The following REXO5 variants were observed in gnomAD, a reference collection of about 807,000 sequenced individuals.
The protein encoded by REXO5 is exonuclease NEF-sp.
REXO5 carries 48 observed loss-of-function variants against 88.5 expected under a neutral mutation model. The observed-to-expected ratio is 0.54, with a 90% CI of 0.43 to 0.69. REXO5 has a LOEUF of 0.69. REXO5 is among the 30% of genes least tolerant of loss of function. The pLI, the probability that REXO5 is intolerant of heterozygous loss-of-function variation, is 0.00. For missense variants in REXO5, 749 were observed against 912.2 expected, an observed-to-expected ratio of 0.82 and a Z score of 2.30; for synonymous variants, 311 against 336.5, an observed-to-expected ratio of 0.92 and a Z score of 0.83.
rs1567413317 is a variant in REXO5 at position 20,846,251 on chromosome 16, GC to G, written c.2157del (p.Trp720GlyfsTer37). 1 of 1,614,038 alleles carries G rather than the reference GC, an allele frequency of 6.2e-7. No homozygotes were observed. Among genetic ancestry groups the G allele is most frequent in the Non-Finnish European group, 8.5e-7 (1 of 1,179,930 alleles). ...GAAACTGGACCACCCGAAGATAGCA[GC>G]CTGGCGCTGGAGCCGGAAGATTGGA... is the stretch of plus-strand genomic sequence containing the variant. ...TLKLDHPKIA[A>X]WRWSRKIGKL... On this transcript the variant is annotated frameshift_variant, in exon 19 of 20. Coordinates refer to ENST00000261377, the MANE Select transcript of REXO5 (RefSeq NM_030941.3). LOFTEE classifies it high-confidence loss of function.
chr16:20,813,344 CTTTTTTTT>C (rs56875427), intron 3 of REXO5, 42 bp downstream of exon 3: 14 of 643,968 alleles, frequency 2.2e-5, no homozygotes, highest in African/African-American at 1.1e-4. Context: ...CCAGCGGTTT[CTTTTTTTT>C]TTTTTTTTTT....
At chr16:20,812,952 C>T (rs540921443) in intron 2 of REXO5, among the ~76,000 whole-genome samples, 1 of 152,264 alleles carries the variant, frequency 6.6e-6, no homozygotes, top group Admixed American at 6.5e-5. Flanking sequence ...TTATCCTATT[C>T]CTAGCATGTA....
chr16:20,845,976 A>G (rs984617355), intron 18 of REXO5, among the ~76,000 whole-genome samples: 2 of 152,298 alleles, frequency 1.3e-5, no homozygotes, highest in Non-Finnish European at 2.9e-5. Context: ...GGGGTCTTGG[A>G]AGACCCATGT....
At chr16:20,831,851 A>G (rs1435250999) in intron 11 of REXO5, among the ~76,000 whole-genome samples, 1 of 150,778 alleles carries the variant, frequency 6.6e-6, no homozygotes, top group Non-Finnish European at 1.5e-5. Flanking sequence ...TGACTGTTGG[A>G]TGAGTGATGA....
chr16:20,827,073 G>T lies in REXO5; in HGVS notation c.837G>T (p.Thr279=), dbSNP rs142899635. 1 of 1,613,754 alleles carries T rather than the reference G, an allele frequency of 6.2e-7. No homozygotes were observed. The highest frequency in any genetic ancestry group is 8.5e-7 in the Non-Finnish European group (1 of 1,179,860). Residue 279 remains threonine (T), a synonymous_variant, in exon 9 of 20, where the codon ACG becomes ACT. Transcript: ENST00000261377. ...LDYLTSFSGI[T]KKILNPVTTK... is the part of the protein sequence containing the mutation. The stretch of plus-strand genomic sequence containing the variant: ...TTAATGAAAGCTTTTCGGGAATCAC[G>T]AAGAAGATTCTTAACCCAGTGACGA...
chr16:20,810,415 T>G (rs533266490), intron 2 of REXO5, among the ~76,000 whole-genome samples: 1 of 152,172 alleles, frequency 6.6e-6, no homozygotes, highest in East Asian at 1.9e-4. Context: ...CTCCTTTTTT[T>G]TTTTCTTTTG....
chr16:20,827,001 CAG>C lies in REXO5; in HGVS notation c.822-52_822-51del, dbSNP rs2081268804. On this transcript the variant is annotated intron_variant, in intron 8 of 19. Coordinates refer to ENST00000261377, the MANE Select transcript of REXO5 (RefSeq NM_030941.3). ...AAATGTTATTTTTAAAATCACTTTC[CAG>C]AGAGGAAAACTTGTTAATATCCTAG... The C allele has an allele frequency of 1.9e-5, 29 of 1,552,848 alleles. No homozygotes were observed. In the South Asian group the frequency reaches 3.2e-4, roughly 17 times the overall value.
At chr16:20,806,746 C>T (rs2152497272) in intron 1 of REXO5, 41 bp downstream of exon 1, 1 of 1,003,782 alleles carries the variant, frequency 1.0e-6, no homozygotes, top group Non-Finnish European at 1.4e-6. Flanking sequence ...GTTAGAGCGG[C>T]GCGGGTGTCC....
At chr16:20,843,442 T>C (rs1254042949) in intron 15 of REXO5, among the ~76,000 whole-genome samples, 2 of 152,344 alleles carry the variant, frequency 1.3e-5, no homozygotes, top group East Asian at 3.9e-4. Flanking sequence ...CAAGAAACCA[T>C]TGCCAAATCC....
chr16:20,822,652 A>C (rs549632860), intron 6 of REXO5, among the ~76,000 whole-genome samples: 3 of 152,196 alleles, frequency 2.0e-5, no homozygotes, highest in Non-Finnish European at 4.4e-5. Flanking sequence ...ATTTCCTGTA[A>C]GTGGATGTGC....
intron 6 of REXO5, chr16:20,823,344 C>T (rs565355684): frequency 2.6e-5 from 4 of 152,224 alleles, no homozygotes; most frequent in East Asian, 1.9e-4. Context: ...GTACTAAGTG[C>T]CTTTTTGTAC....
At chr16:20,822,100 G>C (rs2081194743) in intron 6 of REXO5, among the ~76,000 whole-genome samples, 198 bp downstream of exon 6, 1 of 152,152 alleles carries the variant, frequency 6.6e-6, no homozygotes, top group Non-Finnish European at 1.5e-5. Flanking sequence ...GCAAAGTGAT[G>C]ATTTTAGGTA....
chr16:20,830,475 C>T (rs1358757076), intron 11 of REXO5, among the ~76,000 whole-genome samples: 1 of 152,008 alleles, frequency 6.6e-6, no homozygotes, highest in Non-Finnish European at 1.5e-5. Context: ...GGATTACAGG[C>T]ATGAGTCACT....
chr16:20,807,219 GA>G, intron 2 of REXO5, 128 bp downstream of exon 2: 1 of 1,074,568 alleles, frequency 9.3e-7, no homozygotes, highest in East Asian at 2.6e-5. Flanking sequence ...CCTGATCCCT[GA>G]TCATTAAAAT....
Position 20,849,560 on chromosome 16 carries a change from C to A in REXO5, c.*80C>A. ...AGAATGTGGTCAGGCTGTAGCCTCCCCAACCAGCAGACAGCTTTATGGAAA... is the reference window on the plus strand; with the variant it reads ...AGAATGTGGTCAGGCTGTAGCCTCCACAACCAGCAGACAGCTTTATGGAAA... On this transcript the variant is annotated 3_prime_UTR_variant, in exon 20 of 20. Transcript: ENST00000261377. The A allele has an allele frequency of 7.9e-7, 1 of 1,265,100 alleles. No homozygotes were observed. Among genetic ancestry groups the A allele is most frequent in the Non-Finnish European group, 1.2e-6 (1 of 867,890 alleles). 78.4% of individuals were successfully genotyped at this position (1,265,100 alleles called of 1,614,324 possible). A position where few individuals can be genotyped will look rare whatever the true frequency, so the allele number is the denominator to read the frequency against.
chr16:20,824,062 C>T (rs2081226033), intron 6 of REXO5, among the ~76,000 whole-genome samples: 2 of 152,192 alleles, frequency 1.3e-5, no homozygotes, highest in South Asian at 4.1e-4. Context: ...ATGCCACATA[C>T]AGTTATTTGC....
At chr16:20,813,047 C>T in intron 2 of REXO5, 143 bp from the exon 3 acceptor site, 1 of 653,724 alleles carries the variant, frequency 1.5e-6, no homozygotes. Flanking sequence ...TATTTTAGGC[C>T]ATCATTTTCA....
chr16:20,827,589 T>C, intron 10 of REXO5, 142 bp downstream of exon 10: 1 of 652,012 alleles, frequency 1.5e-6, no homozygotes, highest in South Asian at 1.9e-5. Context: ...TCTTATGAAA[T>C]GAAGAAATTG....
intron 15 of REXO5, among the ~76,000 whole-genome samples, chr16:20,843,639 A>C (rs2081563302): frequency 2.6e-5 from 4 of 152,240 alleles, no homozygotes; most frequent in Admixed American, 6.5e-5. Context: ...ACAAATGGGA[A>C]TCTCTGCCCG....
Sources: allele counts gnomAD v4.1 joint callset (sites outside exome capture counted in the v4.1 genomes callset), GRCh38; gene constraint gnomAD v4.1.1; transcripts MANE v1.5; gene names NCBI Gene and HGNC (gene_info 2026-07-23, HGNC 2026-07-21).